Variants in SAMSN1 observed in about 807,000 individuals in gnomAD.
SAMSN1 encodes the protein SAM domain-containing protein SAMSN-1.
SAMSN1 carries 31 observed loss-of-function variants against 42.0 expected under a neutral mutation model. The observed-to-expected ratio is 0.74, with a 90% CI of 0.55 to 1.00. The LOEUF (loss-of-function observed/expected upper bound fraction) is 1.00. Ranked by LOEUF, SAMSN1 falls within the 50% of genes least tolerant of loss-of-function variation. SAMSN1 has a pLI of 0.00. For synonymous variants in SAMSN1, 178 were observed against 151.9 expected, an observed-to-expected ratio of 1.17 and a Z score of -1.26; for missense variants, 464 against 439.4, an observed-to-expected ratio of 1.06 and a Z score of -0.50.
chr21:14,607,557 G>A (rs529012377), intron 5 of SAMSN1, among the ~76,000 whole-genome samples: 7 of 152,206 alleles, frequency 4.6e-5, no homozygotes, highest in South Asian at 2.1e-4. Flanking sequence ...ACACGCACTC[G>A]CTGAACATGC....
At chr21:14,607,480 A>G (rs1308828885) in intron 5 of SAMSN1, among the ~76,000 whole-genome samples, 1 of 152,202 alleles carries the variant, frequency 6.6e-6, no homozygotes, top group African/African-American at 2.4e-5. Flanking sequence ...ATTAATTTCT[A>G]GGAAATGTCC....
intron 1 of SAMSN1, among the ~76,000 whole-genome samples, chr21:14,648,052 C>T (rs977240541): frequency 2.0e-5 from 3 of 148,978 alleles, no homozygotes; most frequent in African/African-American, 7.4e-5. Flanking sequence ...AGAGGGCATC[C>T]CTGTCTTGTG....
intron 2 of SAMSN1, among the ~76,000 whole-genome samples, chr21:14,638,180 T>C (rs1600978515): frequency 6.6e-6 from 1 of 152,170 alleles, no homozygotes; most frequent in African/African-American, 2.4e-5. Context: ...ATTTGGAAAG[T>C]GGGATGTGAA....
At chr21:14,534,570 C>T (rs906364922) in intron 1 of SAMSN1, among the ~76,000 whole-genome samples, 1 of 150,930 alleles carries the variant, frequency 6.6e-6, no homozygotes, top group African/African-American at 2.4e-5. Flanking sequence ...GGCTGGAGTG[C>T]AGTGGCGCTG....
chr21:14,490,385 C>T (rs527433023), intron 7 of SAMSN1, among the ~76,000 whole-genome samples: 9 of 152,246 alleles, frequency 5.9e-5, no homozygotes, highest in African/African-American at 2.2e-4. Flanking sequence ...AGTGGCAAAA[C>T]CCAGGGATAC....
rs74632948 is a variant in SAMSN1 at position 14,497,005 on chromosome 21, C to T, written c.919+1437G>A. Among the ~76,000 whole-genome samples the T allele has an allele frequency of 6.3e-3, 959 of 152,252 alleles. 15 individuals carry two copies. The highest frequency in any genetic ancestry group is 0.022 in the African/African-American group (900 of 41,538). On this transcript the variant is annotated intron_variant, in intron 7 of 7. Coordinates refer to ENST00000400566, the MANE Select transcript of SAMSN1 (RefSeq NM_022136.5). The stretch of plus-strand genomic sequence containing the variant: ...AGCCCACAAAAGGACAATCAGGAGG[C>T]CTGGTCCCTAAATAACGCTTTCCTC...
At chr21:14,488,951 A>G (rs1986559633) in intron 7 of SAMSN1, among the ~76,000 whole-genome samples, 1 of 152,200 alleles carries the variant, frequency 6.6e-6, no homozygotes, top group South Asian at 2.1e-4. Flanking sequence ...GCTATATCGC[A>G]TTCACTTTTG....
At chr21:14,617,544 T>A (rs1271994214) in intron 2 of SAMSN1, among the ~76,000 whole-genome samples, 1 of 152,206 alleles carries the variant, frequency 6.6e-6, no homozygotes, top group African/African-American at 2.4e-5. Flanking sequence ...TGTTCCACAG[T>A]CTATGCAATC....
chr21:14,622,946 A>T (rs1600969861), intron 2 of SAMSN1, among the ~76,000 whole-genome samples: 1 of 152,246 alleles, frequency 6.6e-6, no homozygotes, highest in African/African-American at 2.4e-5. Flanking sequence ...ACAAGCCAGA[A>T]GAGAGTGGGG....
At position 14,517,050 on chromosome 21, in the gene SAMSN1, G is replaced by A. The variant is rs1987952446; in HGVS notation, c.130-9C>T. On this transcript the variant is annotated splice_polypyrimidine_tract_variant and intron_variant, in intron 2 of 7. Transcript: ENST00000400566. The stretch of plus-strand genomic sequence containing the variant: ...GGATCTCCTTCATGTGCCTAGTTTA[G>A]AATTGTTTACAAAAGACAAAATAAT... 6.3e-7 allele frequency: 1 copy of A among 1,597,200 alleles called. No homozygotes were observed. The highest frequency in any genetic ancestry group is 8.5e-7 in the Non-Finnish European group (1 of 1,173,888).
intron 2 of SAMSN1, among the ~76,000 whole-genome samples, chr21:14,629,671 G>T (rs1347877465): frequency 6.6e-6 from 1 of 152,134 alleles, no homozygotes; most frequent in African/African-American, 2.4e-5. Context: ...AGCGCCTGGA[G>T]AATGCACGGG....
chr21:14,502,599 G>T (rs1372867650), intron 5 of SAMSN1, among the ~76,000 whole-genome samples: 1 of 152,122 alleles, frequency 6.6e-6, no homozygotes, highest in African/African-American at 2.4e-5. Flanking sequence ...CAGCAGCAGT[G>T]GTCCCTTGGC....
intron 2 of SAMSN1, among the ~76,000 whole-genome samples, chr21:14,579,290 A>G (rs1397048001): frequency 6.6e-6 from 1 of 152,236 alleles, no homozygotes; most frequent in Non-Finnish European, 1.5e-5. Context: ...AGCATTCTGT[A>G]GATATGTTTG....
At chr21:14,580,194 A>C (rs1981657186) in intron 2 of SAMSN1, among the ~76,000 whole-genome samples, 1 of 152,234 alleles carries the variant, frequency 6.6e-6, no homozygotes, top group Non-Finnish European at 1.5e-5. Flanking sequence ...CACTGTCACA[A>C]AGATAGAGGG....
rs1396784587 is a variant in SAMSN1, at chr21:14,485,876, G to C, written c.*36C>G. On this transcript the variant is annotated 3_prime_UTR_variant, in exon 8 of 8. Transcript: ENST00000400566. ...TTTTAGCTCAAGAAGAGTTAAAATGGAATGCATCTGTAGATATATAGTTGG... is the reference window on the plus strand; with the variant it reads ...TTTTAGCTCAAGAAGAGTTAAAATGCAATGCATCTGTAGATATATAGTTGG... The C allele has an allele frequency of 2.0e-6, 3 of 1,503,714 alleles. No individual in the cohort carries two copies. The highest frequency in any genetic ancestry group is 2.8e-6 in the Non-Finnish European group (3 of 1,081,762). The allele number at this position is 1,503,714 out of a possible 1,614,324, so 93.1% of individuals were successfully genotyped here. A position where few individuals can be genotyped will look rare whatever the true frequency, so the allele number is the denominator to read the frequency against.
At chr21:14,509,641 C>T (rs2122970966) in intron 5 of SAMSN1, among the ~76,000 whole-genome samples, 1 of 152,332 alleles carries the variant, frequency 6.6e-6, no homozygotes, top group South Asian at 2.1e-4. Context: ...CCTTGTCTCC[C>T]TCTCTCTTCA....
At chr21:14,632,958 A>G (rs143796837) in intron 2 of SAMSN1, among the ~76,000 whole-genome samples, 110 of 152,320 alleles carry the variant, frequency 7.2e-4, no homozygotes, top group African/African-American at 2.5e-3. Flanking sequence ...ACAAGAAGGC[A>G]ACAGAGGCAG....
In SAMSN1 at chr21:14,500,699, T is replaced by C. The variant is rs1987116638; in HGVS notation, c.598A>G (p.Met200Val). ...DIIDIICKTP[M>V]GMWTGMLNNK... ...TTCAACATTCCTGTCCACATCCCCA[T>C]TGGTGTTTTGCAAATAATGTCTATG... The change falls in exon 6 of 8, where the codon ATG becomes GTG. Residue 200 changes from methionine (M) to valine (V), a missense_variant. Transcript: ENST00000400566. The C allele has an allele frequency of 2.5e-6, 4 of 1,613,908 alleles. No individual in the cohort carries two copies. Among genetic ancestry groups the C allele is most frequent in the Non-Finnish European group, 3.4e-6 (4 of 1,179,914 alleles).
At chr21:14,556,431 A>G (rs1023419777) in intron 2 of SAMSN1, among the ~76,000 whole-genome samples, 6 of 152,194 alleles carry the variant, frequency 3.9e-5, no homozygotes, top group African/African-American at 1.4e-4. Context: ...CAGCTAAATC[A>G]AATTTCCTAT....
Sources: gnomAD v4.1 joint callset for allele counts (sites outside exome capture counted in the v4.1 genomes callset) on GRCh38, gnomAD v4.1.1 for gene constraint, MANE v1.5 for transcripts, NCBI Gene and HGNC (gene_info 2026-07-23, HGNC 2026-07-21) for gene names.